The following STARD9 variants were observed in gnomAD, a reference collection of about 807,000 sequenced individuals.
STARD9 encodes stAR-related lipid transfer protein 9.
Under a neutral mutation model 399.8 loss-of-function variants are expected in STARD9, and 346 were observed. The observed-to-expected ratio is 0.87, with a 90% CI of 0.79 to 0.95. STARD9 has a LOEUF of 0.95. STARD9 is among the 40% of genes least tolerant of loss of function. The pLI, the probability that STARD9 is intolerant of heterozygous loss-of-function variation, is 0.00. For synonymous variants in STARD9, 2,203 were observed against 2,143.5 expected (o/e 1.03, Z -0.77); for missense variants, 5,832 against 5,667.5 (o/e 1.03, Z -0.93).
chr15:42,654,413 A>G (rs903303881), intron 9 of STARD9, among the ~76,000 whole-genome samples: 3 of 152,152 alleles, frequency 2.0e-5, no homozygotes, highest in African/African-American at 7.2e-5. Flanking sequence ...AATAATAGTA[A>G]CCATAAGTCC....
intron 15 of STARD9, among the ~76,000 whole-genome samples, chr15:42,666,273 T>C (rs147917497): frequency 6.6e-4 from 101 of 152,330 alleles, no homozygotes; most frequent in African/African-American, 2.3e-3. Context: ...CCATGTGATT[T>C]AGCTGAAAGA....
At chr15:42,696,031 G>A (rs2060840123) in intron 26 of STARD9, among the ~76,000 whole-genome samples, 151 bp downstream of exon 26, 1 of 152,224 alleles carries the variant, frequency 6.6e-6, no homozygotes, top group African/African-American at 2.4e-5. Flanking sequence ...CAGGCCTTTG[G>A]TTTTCCATTT....
rs894011397 is a variant in STARD9, at chr15:42,703,984, G to A, written c.13284+8104G>A. Among the ~76,000 whole-genome samples the A allele has an allele frequency of 4.6e-5, 7 of 151,422 alleles. No individual in the cohort carries two copies. In the South Asian group the frequency reaches 1.0e-3, roughly 23 times the overall value. ...GTGCAGTGGCGTGATCTTGGCTCAC[G>A]GCAACCTCCGCCTCCCGGGTTCAAG... On this transcript the variant is annotated intron_variant, in intron 26 of 32. Transcript: ENST00000290607.
chr15:42,585,691 T>C, intron 3 of STARD9, 54 bp downstream of exon 3: 2 of 1,090,892 alleles, frequency 1.8e-6, no homozygotes, highest in Admixed American at 4.1e-5. Context: ...ATGTATAATA[T>C]TTAAGATGTT....
rs191805921 is a variant in STARD9, at chr15:42,687,349, A to G, written c.5771A>G (p.Asn1924Ser). The G allele has an allele frequency of 1.5e-4, 227 of 1,536,758 alleles. No individual in the cohort carries two copies. In the African/African-American group the frequency reaches 2.9e-3, roughly 20 times the overall value. The change falls in exon 23 of 33, where the codon AAT (asparagine) becomes AGT (serine). Residue 1924 changes from asparagine to serine, a missense_variant. Around this residue, in one of 2 missense-constraint regions of STARD9, gnomAD observed 5,828 missense variants for 5,651.1 expected, o/e 1.03. Transcript: ENST00000290607. ...CGAGAGGAAGAAGAGCTGGATCAGA[A>G]TACGGTTCTGAGGCAGACCATCAAT... ...EAREEEELDQ[N>S]TVLRQTINVS...
In STARD9 at chr15:42,693,630, CCACCACTGAGG is replaced by C; in HGVS notation, c.12056_12066del (p.Pro4019GlnfsTer12). The C allele has an allele frequency of 6.5e-7, 1 of 1,537,278 alleles. No homozygotes were observed. Among genetic ancestry groups the C allele is most frequent in the Non-Finnish European group, 8.7e-7 (1 of 1,146,912 alleles). The stretch of plus-strand genomic sequence containing the variant: ...CGGGGTCCAAAGCAGACTGCTGCCA[CCACCACTGAGG>C]CACAGGAGCCAAAGGCTGGGCAACA... On this transcript the variant is annotated frameshift_variant, in exon 23 of 33. Transcript: ENST00000290607. LOFTEE classifies it high-confidence loss of function.
At chr15:42,593,738 A>T (rs1393237594) in intron 3 of STARD9, among the ~76,000 whole-genome samples, 1 of 129,322 alleles carries the variant, frequency 7.7e-6, no homozygotes, top group Admixed American at 1.0e-4. Flanking sequence ...ATCTCGGCTC[A>T]CTGCAAGCTC....
At chr15:42,676,462 A>G (rs955124667) in intron 20 of STARD9, among the ~76,000 whole-genome samples, 7 of 152,322 alleles carry the variant, frequency 4.6e-5, no homozygotes, top group African/African-American at 1.4e-4. Context: ...TTTCTTTCTC[A>G]TAACCAAGAA....
At chr15:42,607,728 G>T (rs937622096) in intron 3 of STARD9, among the ~76,000 whole-genome samples, 39 of 150,868 alleles carry the variant, frequency 2.6e-4, no homozygotes, top group African/African-American at 8.8e-4. Context: ...TTGTTTTACA[G>T]GTTTTTCCTA....
intron 3 of STARD9, among the ~76,000 whole-genome samples, chr15:42,593,776 G>C (rs1305653587): frequency 7.1e-6 from 1 of 141,208 alleles, no homozygotes; most frequent in Non-Finnish European, 1.5e-5. Flanking sequence ...CCATTCTCCT[G>C]TCTCAGCCTC....
chr15:42,577,632 C>T (rs1186866624), intron 1 of STARD9, among the ~76,000 whole-genome samples: 1 of 152,192 alleles, frequency 6.6e-6, no homozygotes, highest in Non-Finnish European at 1.5e-5. Flanking sequence ...GATGTCAAGA[C>T]TGTAGATACC....
chr15:42,668,708 A>G (rs947531157), intron 15 of STARD9, among the ~76,000 whole-genome samples: 1 of 152,160 alleles, frequency 6.6e-6, no homozygotes, highest in Admixed American at 6.5e-5. Flanking sequence ...GTGCAAGCTT[A>G]TATTATAACT....
intron 9 of STARD9, among the ~76,000 whole-genome samples, chr15:42,659,807 A>C (rs28798437): frequency 0.26 from 39,491 of 152,120 alleles, 5,865 homozygotes; most frequent in African/African-American, 0.39. Flanking sequence ...TACAGGGGTG[A>C]GTCATCATGC....
intron 3 of STARD9, among the ~76,000 whole-genome samples, chr15:42,593,076 G>A (rs921852325): frequency 4.6e-5 from 7 of 152,124 alleles, no homozygotes; most frequent in African/African-American, 1.2e-4. Flanking sequence ...GCACCTCGGC[G>A]TCAAATGAGT....
At chr15:42,698,047 G>A (rs1481373906) in intron 26 of STARD9, among the ~76,000 whole-genome samples, 1 of 152,110 alleles carries the variant, frequency 6.6e-6, no homozygotes, top group African/African-American at 2.4e-5. Flanking sequence ...TTTTCACTCA[G>A]TATAATTTGT....
chr15:42,697,686 C>A (rs551357404), intron 26 of STARD9, among the ~76,000 whole-genome samples: 14 of 152,254 alleles, frequency 9.2e-5, no homozygotes, highest in African/African-American at 3.1e-4. Flanking sequence ...TTATTTAAAA[C>A]ACTATATGAA....
chr15:42,648,031 G>A (rs973865295), intron 7 of STARD9, among the ~76,000 whole-genome samples: 4 of 152,084 alleles, frequency 2.6e-5, no homozygotes, highest in African/African-American at 9.7e-5. Context: ...GTCCCTTCTT[G>A]ACTTAAATGC....
At chr15:42,665,534 T>A (rs1474905591) in intron 14 of STARD9, among the ~76,000 whole-genome samples, 1 of 152,160 alleles carries the variant, frequency 6.6e-6, no homozygotes, top group African/African-American at 2.4e-5. Flanking sequence ...CACTTTATCA[T>A]CTCTTGTCTT....
intron 3 of STARD9, among the ~76,000 whole-genome samples, chr15:42,612,881 G>A (rs1045607737): frequency 6.6e-6 from 1 of 151,930 alleles, no homozygotes; most frequent in Admixed American, 6.6e-5. Context: ...CTACTCAGGA[G>A]GCTGAGGCAG....
Sources: allele counts gnomAD v4.1 joint callset (sites outside exome capture counted in the v4.1 genomes callset), GRCh38; gene constraint gnomAD v4.1.1; regional missense constraint gnomAD v4.1.1; transcripts MANE v1.5; gene names NCBI Gene and HGNC (gene_info 2026-07-23, HGNC 2026-07-21).